Variants in SERAC1 observed in about 807,000 individuals in gnomAD.
SERAC1 encodes serine active site containing 1, also known as protein SERAC1.
SERAC1 carries 36 observed loss-of-function variants against 85.7 expected under a neutral mutation model. That is an observed-to-expected ratio of 0.42 (90% CI 0.32 to 0.55). The LOEUF (loss-of-function observed/expected upper bound fraction) is 0.55. Ranked by LOEUF, SERAC1 falls within the 20% of genes least tolerant of loss-of-function variation. SERAC1 has a pLI of 0.11. For synonymous variants in SERAC1, 242 were observed against 265.3 expected (o/e 0.91, Z 0.85); for missense variants, 629 against 796.2 (o/e 0.79, Z 2.53).
chr6:158,142,481 CTTT>C (rs797011235), intron 8 of SERAC1, among the ~76,000 whole-genome samples: 3 of 139,268 alleles, frequency 2.2e-5, no homozygotes, highest in African/African-American at 2.6e-5. Context: ...CCTATTCATT[CTTT>C]TTTTTTTTTT....
intron 8 of SERAC1, 78 bp from the exon 9 acceptor site, chr6:158,130,564 G>A: frequency 7.4e-6 from 6 of 814,608 alleles, no homozygotes; most frequent in Non-Finnish European, 9.7e-6. Flanking sequence ...AGAAATCTCT[G>A]TACTAATAGA....
chr6:158,129,683 CTTG>C (rs1218677628), intron 9 of SERAC1, among the ~76,000 whole-genome samples: 1 of 146,490 alleles, frequency 6.8e-6, no homozygotes, highest in African/African-American at 2.6e-5. Flanking sequence ...CTAATATTTC[CTTG>C]TTTTTTTTTG....
At chr6:158,133,811 G>A (rs976444894) in intron 8 of SERAC1, among the ~76,000 whole-genome samples, 23 of 152,058 alleles carry the variant, frequency 1.5e-4, no homozygotes, top group African/African-American at 5.1e-4. Context: ...AGGGGTATGG[G>A]GTAGATAGAA....
At position 158,119,020 on chromosome 6, in the gene SERAC1, C is replaced by T; in HGVS notation, c.1308+9G>A. 2 of 1,609,874 alleles carry T rather than the reference C, an allele frequency of 1.2e-6. No individual in the cohort carries two copies. The highest frequency in any genetic ancestry group is 1.7e-6 in the Non-Finnish European group (2 of 1,177,538). ...CAGCAACCAGGGCCAGAGTCAGTGG[C>T]TCCCTTACCTTGGGCCAGCACGTCG... On this transcript the variant is annotated intron_variant, in intron 12 of 16. Transcript: ENST00000647468. The surrounding 1 kb of genome is among the most constrained non-coding windows in gnomAD (Gnocchi z 4.5).
In SERAC1 at chr6:158,120,599, A is replaced by T; in HGVS notation, c.1016-24T>A. On this transcript the variant is annotated intron_variant, in intron 10 of 16. Transcript: ENST00000647468. The surrounding 1 kb of genome is among the most constrained non-coding windows in gnomAD (Gnocchi z 4.4). Reference sequence around the variant, plus strand: ...GCCTGGTGAAAAGTACACATATCCTAAATACTGATGTGAATCCATCGCAGA... The same window carrying T: ...GCCTGGTGAAAAGTACACATATCCTTAATACTGATGTGAATCCATCGCAGA... The T allele has an allele frequency of 6.2e-7, 1 of 1,608,710 alleles. No homozygotes were observed. Among genetic ancestry groups the T allele is most frequent in the Non-Finnish European group, 8.5e-7 (1 of 1,178,560 alleles).
chr6:158,165,033 G>A (rs911685101), intron 1 of SERAC1, among the ~76,000 whole-genome samples: 12 of 152,152 alleles, frequency 7.9e-5, no homozygotes, highest in African/African-American at 2.7e-4. Flanking sequence ...AGTCCCTGAT[G>A]ATTACAGAGC....
At chr6:158,146,583 G>A in intron 6 of SERAC1, 199 bp downstream of exon 6, 1 of 433,556 alleles carries the variant, frequency 2.3e-6, no homozygotes, top group Non-Finnish European at 4.1e-6. Flanking sequence ...TAATTTTTTT[G>A]TATTTTTAGT....
intron 8 of SERAC1, among the ~76,000 whole-genome samples, chr6:158,132,061 T>C (rs1313717136): frequency 6.6e-6 from 1 of 152,130 alleles, no homozygotes; most frequent in African/African-American, 2.4e-5. Context: ...AGAGAAGATG[T>C]ATTGCTGCAT....
At chr6:158,116,478 T>C (rs1784293472) in intron 13 of SERAC1, 196 bp from the exon 14 acceptor site, 3 of 530,326 alleles carry the variant, frequency 5.7e-6, no homozygotes, top group Non-Finnish European at 1.0e-5. Context: ...CCCCAAGGAA[T>C]CCTCCCACCT....
Position 158,128,210 on chromosome 6 carries a change from A to G in SERAC1, c.913T>C (p.Tyr305His), listed in dbSNP as rs1784592399. 2 of 1,614,054 alleles carry G rather than the reference A, an allele frequency of 1.2e-6. No homozygotes were observed. Among genetic ancestry groups the G allele is most frequent in the African/African-American group, 1.3e-5 (1 of 74,948 alleles). The change falls in exon 10 of 17, where the codon TAC (tyrosine) becomes CAC (histidine). Residue 305 changes from tyrosine to histidine, a missense_variant. Tyr to His is a moderately conservative substitution (Grantham distance 83). Transcript: ENST00000647468. ...TTAGGGCAGTCCTTGTGAAGTCGGT[A>G]CAGCCTCTGAAGTAGCTGCAGGCCT... Reference protein sequence around the residue: ...NGGLQLLQRLYRLHKDCPKVQ... With the variant: ...NGGLQLLQRLHRLHKDCPKVQ...
chr6:158,152,661 T>A (rs1273126507), intron 3 of SERAC1: 1 of 152,260 alleles, frequency 6.6e-6, no homozygotes, highest in Non-Finnish European at 1.5e-5. Context: ...GTGCCCTATA[T>A]AAGTGTACCA....
chr6:158,117,419 A>AAAAC lies in SERAC1; in HGVS notation c.1403+304_1403+307dup. On this transcript the variant is annotated intron_variant, in intron 13 of 16. Coordinates refer to ENST00000647468, the MANE Select transcript of SERAC1 (RefSeq NM_032861.4). The surrounding 1 kb of genome is among the most constrained non-coding windows in gnomAD (Gnocchi z 4.3). ...GTATGATTGTGGACACAAGAACAAA[A>AAAAC]AAACATCACTTTTACTTCTGATAGA... is the stretch of plus-strand genomic sequence containing the variant. 8.1e-7 allele frequency: 1 copy of AAAAC among 1,238,686 alleles called. No homozygotes were observed. The allele number at this position is 1,238,686 out of a possible 1,614,324, so 76.7% of individuals were successfully genotyped here.
At chr6:158,158,596 A>T (rs113843034) in intron 1 of SERAC1, 1 of 363,352 alleles carries the variant, frequency 2.8e-6, no homozygotes, top group Non-Finnish European at 5.0e-6. Flanking sequence ...CACTGTGTCC[A>T]ATTGTGCATA....
At position 158,120,577 on chromosome 6, in the gene SERAC1, T is replaced by C. The variant is rs1784396047; in HGVS notation, c.1016-2A>G. ...CTTCTGCCATGATGGAAACCCAGCC[T>C]GGTGAAAAGTACACATATCCTAAAT... On this transcript the variant is annotated splice_acceptor_variant, in intron 10 of 16. Transcript: ENST00000647468. LOFTEE classifies it high-confidence loss of function. The surrounding 1 kb of genome is among the most constrained non-coding windows in gnomAD (Gnocchi z 4.4). 1 of 1,613,510 alleles carries C rather than the reference T, an allele frequency of 6.2e-7. No individual in the cohort carries two copies.
At position 158,132,003 on chromosome 6, in the gene SERAC1, TAG is replaced by T. The variant is rs35834435; in HGVS notation, c.739-1519_739-1518del. Among the ~76,000 whole-genome samples, 5 of 151,568 alleles carry T rather than the reference TAG, an allele frequency of 3.3e-5. No individual in the cohort carries two copies. The South Asian group carries it at 1.0e-3, about 31-fold the overall frequency. ...TATGTATCCTATGCTACTACTCGTGTAGAGAGAGAGAGTGTGTGTGTTGGGGT... is the reference window on the plus strand; with the variant it reads ...TATGTATCCTATGCTACTACTCGTGTAGAGAGAGAGTGTGTGTGTTGGGGT... On this transcript the variant is annotated intron_variant, in intron 8 of 16. Coordinates refer to ENST00000647468, the MANE Select transcript of SERAC1 (RefSeq NM_032861.4).
rs575032430 is a variant in SERAC1, at chr6:158,165,161, G to T, written c.-2+2979C>A. Among the ~76,000 whole-genome samples, 789 of 147,566 alleles carry T rather than the reference G, an allele frequency of 5.3e-3. 12 individuals are homozygous for T. The highest frequency in any genetic ancestry group is 0.017 in the African/African-American group (701 of 40,402). On this transcript the variant is annotated intron_variant, in intron 1 of 16. Coordinates refer to ENST00000647468, the MANE Select transcript of SERAC1 (RefSeq NM_032861.4). Reference sequence around the variant, plus strand: ...ACACACCACAGTTTTTTGTTTTTTGGTTTTTTTTTTGAGACAGAGTCTCTC... The same window carrying T: ...ACACACCACAGTTTTTTGTTTTTTGTTTTTTTTTTTGAGACAGAGTCTCTC...
intron 3 of SERAC1, 125 bp downstream of exon 3, chr6:158,155,190 A>C: frequency 1.6e-6 from 1 of 629,088 alleles, no homozygotes; most frequent in Non-Finnish European, 2.8e-6. Flanking sequence ...TCAGTGATTA[A>C]ATCCACCAGT....
In SERAC1 at chr6:158,143,073, TCTGA is replaced by T. The variant is rs1396286850; in HGVS notation, c.717_720del (p.Ser239ArgfsTer3). 2 of 1,611,894 alleles carry T rather than the reference TCTGA, an allele frequency of 1.2e-6. No individual in the cohort carries two copies. Among genetic ancestry groups the T allele is most frequent in the Non-Finnish European group, 1.7e-6 (2 of 1,178,926 alleles). ...GAACTAACCTTCTGAGCAGCTAGAC[TCTGA>T]CTGCTTTCACTAAGAGCCAAAGATG... On this transcript the variant is annotated frameshift_variant, in exon 8 of 17. Coordinates refer to ENST00000647468, the MANE Select transcript of SERAC1 (RefSeq NM_032861.4). LOFTEE classifies it high-confidence loss of function.
chr6:158,127,456 A>G (rs1466305621), intron 10 of SERAC1, among the ~76,000 whole-genome samples: 1 of 10,944 alleles, frequency 9.1e-5, no homozygotes, highest in Non-Finnish European at 1.9e-4. Flanking sequence ...CTGGGAAGTG[A>G]GGAGCCCCTC....
Sources: allele counts gnomAD v4.1 joint callset (sites outside exome capture counted in the v4.1 genomes callset), GRCh38; gene constraint gnomAD v4.1.1; non-coding constraint Gnocchi (gnomAD v3.1); transcripts MANE v1.5; gene names NCBI Gene and HGNC (gene_info 2026-07-23, HGNC 2026-07-21).